Variants in WDFY2 observed in about 807,000 individuals in gnomAD.
The protein encoded by WDFY2 is WD repeat and FYVE domain containing 2.
In WDFY2, 36 loss-of-function variants were observed where a neutral mutation model predicts 56.4. The ratio of observed to expected loss-of-function variants is 0.64; its 90% CI spans 0.49 to 0.84. WDFY2 has a LOEUF of 0.84. WDFY2 is among the 40% of genes least tolerant of loss of function. WDFY2 has a pLI of 0.00. For synonymous variants in WDFY2, 176 were observed against 183.7 expected (o/e 0.96, Z 0.34); for missense variants, 444 against 512.2 (o/e 0.87, Z 1.29).
At chr13:51,737,768 T>C (rs1952874296) in intron 6 of WDFY2, among the ~76,000 whole-genome samples, 1 of 152,028 alleles carries the variant, frequency 6.6e-6, no homozygotes, top group Non-Finnish European at 1.5e-5. Context: ...ATCACTGTGT[T>C]TGGTTGCTGT....
intron 3 of WDFY2, among the ~76,000 whole-genome samples, chr13:51,702,538 T>C (rs1952006077): frequency 6.6e-6 from 1 of 152,212 alleles, no homozygotes; most frequent in Admixed American, 6.5e-5. Context: ...AGGAACTTTA[T>C]TGCTTTGTAT....
intron 5 of WDFY2, among the ~76,000 whole-genome samples, chr13:51,720,946 C>G (rs1357859637): frequency 1.1e-5 from 1 of 94,120 alleles, no homozygotes; most frequent in Non-Finnish European, 2.5e-5. Context: ...TCTGTCTTCT[C>G]TCTCTCTCTC....
At chr13:51,622,982 C>T (rs1198924671) in intron 1 of WDFY2, among the ~76,000 whole-genome samples, 15 of 151,504 alleles carry the variant, frequency 9.9e-5, no homozygotes, top group Non-Finnish European at 1.5e-4. Context: ...CTCAGCCTCC[C>T]GAGTAGTTGG....
chr13:51,704,128 G>T lies in WDFY2; in HGVS notation c.334+478G>T, dbSNP rs1952038983. Reference sequence around the variant, plus strand: ...CTTTATTCAGACTAACAATGTTGTGGAACCAGAAAGTTTGAGGTAGACCTT... The same window carrying T: ...CTTTATTCAGACTAACAATGTTGTGTAACCAGAAAGTTTGAGGTAGACCTT... On this transcript the variant is annotated intron_variant, in intron 4 of 11. Transcript: ENST00000298125. 2.0e-5 allele frequency among the ~76,000 whole-genome samples: 3 copies of T among 152,138 alleles called. No individual in the cohort carries two copies. In the South Asian group the frequency reaches 6.2e-4, roughly 32 times the overall value.
At chr13:51,584,891 A>C (rs1442119260) in intron 1 of WDFY2, 67 bp downstream of exon 1, 1 of 1,593,766 alleles carries the variant, frequency 6.3e-7, no homozygotes, top group Non-Finnish European at 8.6e-7. Context: ...AGCCCGCGTC[A>C]GGGGCTGTGC....
chr13:51,743,151 G>A (rs1953012982), intron 7 of WDFY2, among the ~76,000 whole-genome samples: 2 of 152,186 alleles, frequency 1.3e-5, no homozygotes, highest in Admixed American at 1.3e-4. Flanking sequence ...TTAGGATAGA[G>A]GGGACGAGAT....
At chr13:51,658,115 T>G (rs976913406) in intron 1 of WDFY2, among the ~76,000 whole-genome samples, 1 of 152,208 alleles carries the variant, frequency 6.6e-6, no homozygotes, top group African/African-American at 2.4e-5. Context: ...TAATTCTCCC[T>G]CTCCAGAGGT....
chr13:51,713,749 A>T (rs1952278328), intron 4 of WDFY2, among the ~76,000 whole-genome samples: 1 of 149,164 alleles, frequency 6.7e-6, no homozygotes, highest in African/African-American at 2.5e-5. Context: ...TGGGAGGCTG[A>T]TGCAAGGGAA....
intron 3 of WDFY2, among the ~76,000 whole-genome samples, chr13:51,688,094 T>C (rs1450263269): frequency 6.6e-6 from 1 of 152,108 alleles, no homozygotes; most frequent in Non-Finnish European, 1.5e-5. Flanking sequence ...GAAGGGGTAG[T>C]TGGCAAAAAT....
chr13:51,618,068 G>A (rs973442083), intron 1 of WDFY2, among the ~76,000 whole-genome samples: 1 of 152,148 alleles, frequency 6.6e-6, no homozygotes, highest in Non-Finnish European at 1.5e-5. Context: ...CCAAATTTGA[G>A]ATACCTGTTA....
rs1166739507 is a variant in WDFY2 at position 51,641,839 on chromosome 13, AAAAAAAAAAAAAAAAT to A, written c.138-18755_138-18740del. On this transcript the variant is annotated intron_variant, in intron 1 of 11. Coordinates refer to ENST00000298125, the MANE Select transcript of WDFY2 (RefSeq NM_052950.4). ...AGACTCCGTCTCAAAAAAAAAAAAAAAAAAAAAAAAAAAAATATTTTGTCTAATGTTCCAGGATATC... is the reference window on the plus strand; with the variant it reads ...AGACTCCGTCTCAAAAAAAAAAAAAAATTTTGTCTAATGTTCCAGGATATC... Among the ~76,000 whole-genome samples the A allele has an allele frequency of 2.6e-4, 39 of 151,210 alleles. 1 individual carries two copies. The highest frequency in any genetic ancestry group is 9.4e-4 in the African/African-American group (39 of 41,370).
intron 9 of WDFY2, among the ~76,000 whole-genome samples, chr13:51,755,876 C>T (rs1168137032): frequency 6.6e-6 from 1 of 152,152 alleles, no homozygotes; most frequent in Non-Finnish European, 1.5e-5. Context: ...TTCCATGGTT[C>T]TGTTTGGTCT....
At chr13:51,658,837 AC>A (rs1387784420) in intron 1 of WDFY2, among the ~76,000 whole-genome samples, 1 of 152,084 alleles carries the variant, frequency 6.6e-6, no homozygotes, top group African/African-American at 2.4e-5. Context: ...GTATATGCAA[AC>A]TTAACATCAT....
intron 6 of WDFY2, among the ~76,000 whole-genome samples, chr13:51,733,388 G>A (rs1566200558): frequency 2.0e-5 from 3 of 152,164 alleles, no homozygotes. Context: ...TATGTAGGTG[G>A]TGGGAACATT....
intron 1 of WDFY2, among the ~76,000 whole-genome samples, chr13:51,607,559 G>C (rs575399144): frequency 2.0e-5 from 3 of 151,384 alleles, no homozygotes; most frequent in Non-Finnish European, 4.4e-5. Context: ...TTCTTTCTGA[G>C]TCATACATAA....
At position 51,608,668 on chromosome 13, in the gene WDFY2, G is replaced by A. The variant is rs371452110; in HGVS notation, c.137+23844G>A. 4.8e-3 allele frequency among the ~76,000 whole-genome samples: 736 copies of A among 152,274 alleles called. 7 individuals are homozygous for A. The highest frequency in any genetic ancestry group is 0.017 in the African/African-American group (712 of 41,546). On this transcript the variant is annotated intron_variant, in intron 1 of 11. Coordinates refer to ENST00000298125, the MANE Select transcript of WDFY2 (RefSeq NM_052950.4). ...TGCATTCCAGCCTGGGTGACAGAGC[G>A]AGACTGTCTTAAAAAAAGAAAAAGA...
At chr13:51,692,872 G>T (rs890168251) in intron 3 of WDFY2, among the ~76,000 whole-genome samples, 1 of 152,044 alleles carries the variant, frequency 6.6e-6, no homozygotes, top group African/African-American at 2.4e-5. Context: ...CAATTTCAGA[G>T]CCTGTTATTG....
At chr13:51,642,827 C>G (rs1226144376) in intron 1 of WDFY2, among the ~76,000 whole-genome samples, 1 of 151,922 alleles carries the variant, frequency 6.6e-6, no homozygotes, top group East Asian at 1.9e-4. Flanking sequence ...ACTACAAGTG[C>G]ACACCACCAT....
chr13:51,724,035 GC>G (rs1952547465), intron 5 of WDFY2, among the ~76,000 whole-genome samples: 1 of 151,808 alleles, frequency 6.6e-6, no homozygotes, highest in East Asian at 1.9e-4. Flanking sequence ...CAGATTTGGT[GC>G]CCTGCTCACC....
Sources: gnomAD v4.1 joint callset for allele counts (sites outside exome capture counted in the v4.1 genomes callset) on GRCh38, gnomAD v4.1.1 for gene constraint, MANE v1.5 for transcripts, NCBI Gene and HGNC (gene_info 2026-07-23, HGNC 2026-07-21) for gene names.